The following CSGALNACT1 variants were observed in gnomAD, a reference collection of about 807,000 sequenced individuals.
CSGALNACT1 encodes the protein chondroitin sulfate N-acetylgalactosaminyltransferase 1, also known as beta4GalNAcT-1.
Under a neutral mutation model 51.0 loss-of-function variants are expected in CSGALNACT1, and 52 were observed. That is an observed-to-expected ratio of 1.02 (90% CI 0.82 to 1.29). The LOEUF (loss-of-function observed/expected upper bound fraction) is 1.29. Among genes scored for constraint, CSGALNACT1 ranks in the 50% most tolerant of loss-of-function variants. The pLI, the probability that CSGALNACT1 is intolerant of heterozygous loss-of-function variation, is 0.00. For missense variants in CSGALNACT1, 935 were observed against 679.2 expected (o/e 1.38, Z -4.19); for synonymous variants, 341 against 254.4 (o/e 1.34, Z -3.24).
At chr8:19,437,443 G>A (rs1472754378) in intron 6 of CSGALNACT1, among the ~76,000 whole-genome samples, 1 of 152,054 alleles carries the variant, frequency 6.6e-6, no homozygotes, top group Non-Finnish European at 1.5e-5. Context: ...GTAGAGTGTG[G>A]TATGGTACTG....
At chr8:19,722,847 C>T (rs541643394) in intron 1 of CSGALNACT1, among the ~76,000 whole-genome samples, 2 of 152,320 alleles carry the variant, frequency 1.3e-5, no homozygotes, top group East Asian at 3.9e-4. Flanking sequence ...GCAAGATCTG[C>T]AACAGGTAAA....
intron 3 of CSGALNACT1, among the ~76,000 whole-genome samples, chr8:19,530,061 A>C (rs1236278776): frequency 6.6e-6 from 1 of 152,014 alleles, no homozygotes; most frequent in African/African-American, 2.4e-5. Context: ...CTCTACTAAA[A>C]ATACAAAATA....
intron 1 of CSGALNACT1, among the ~76,000 whole-genome samples, chr8:19,717,081 G>C (rs1009530827): frequency 6.6e-6 from 1 of 152,220 alleles, no homozygotes; most frequent in Non-Finnish European, 1.5e-5. Context: ...AACTAAATGA[G>C]ATAATGCATG....
intron 3 of CSGALNACT1, among the ~76,000 whole-genome samples, chr8:19,541,307 C>T (rs983237347): frequency 2.1e-5 from 3 of 143,530 alleles, no homozygotes; most frequent in African/African-American, 7.9e-5. Flanking sequence ...CTGGAGTGCA[C>T]TGGCGTGATC....
chr8:19,418,995 C>T (rs543817457), intron 7 of CSGALNACT1, among the ~76,000 whole-genome samples: 239 of 152,080 alleles, frequency 1.6e-3, no homozygotes, highest in Non-Finnish European at 2.6e-3. Flanking sequence ...TACAGGTGCC[C>T]GCCACCACAC....
At chr8:19,718,420 C>T (rs1168601304) in intron 1 of CSGALNACT1, among the ~76,000 whole-genome samples, 1 of 152,100 alleles carries the variant, frequency 6.6e-6, no homozygotes, top group Non-Finnish European at 1.5e-5. Flanking sequence ...TCTATTTCTC[C>T]TCCATTTTCC....
At chr8:19,443,450 T>C (rs1021655852) in intron 5 of CSGALNACT1, among the ~76,000 whole-genome samples, 13 of 152,120 alleles carry the variant, frequency 8.5e-5, no homozygotes, top group African/African-American at 3.1e-4. Flanking sequence ...GGGTCATTTA[T>C]AAAGGAAAGA....
intron 6 of CSGALNACT1, among the ~76,000 whole-genome samples, chr8:19,421,277 T>C (rs1585598954): frequency 2.0e-5 from 3 of 152,318 alleles, no homozygotes; most frequent in Admixed American, 2.0e-4. Flanking sequence ...ATTGCTGTGA[T>C]TAGCATGGGC....
chr8:19,459,797 G>A (rs964141057), intron 4 of CSGALNACT1, among the ~76,000 whole-genome samples: 25 of 152,138 alleles, frequency 1.6e-4, no homozygotes, highest in Admixed American at 7.9e-4. Flanking sequence ...ATAAACCCTC[G>A]ATAAATGTTA....
chr8:19,714,365 G>A (rs1003240509), intron 1 of CSGALNACT1, among the ~76,000 whole-genome samples: 52 of 151,698 alleles, frequency 3.4e-4, no homozygotes, highest in African/African-American at 1.2e-3. Flanking sequence ...ATCCTGCCTG[G>A]TAACCCCCTG....
chr8:19,562,074 G>C (rs1588372783), intron 3 of CSGALNACT1, among the ~76,000 whole-genome samples: 1 of 152,100 alleles, frequency 6.6e-6, no homozygotes, highest in African/African-American at 2.4e-5. Flanking sequence ...GACAAGTATG[G>C]GTCCTGGGGG....
chr8:19,704,701 G>C (rs901694776), intron 1 of CSGALNACT1, among the ~76,000 whole-genome samples: 30 of 152,094 alleles, frequency 2.0e-4, no homozygotes, highest in African/African-American at 6.8e-4. Context: ...TGGATGGGTG[G>C]ATAAATGGAT....
intron 3 of CSGALNACT1, chr8:19,588,005 A>G (rs1053068959): frequency 2.0e-5 from 3 of 152,312 alleles, no homozygotes; most frequent in African/African-American, 7.2e-5. Context: ...AGCCTGGTCA[A>G]CGTTGCAAAA....
At chr8:19,693,597 C>T (rs2061439835) in intron 1 of CSGALNACT1, among the ~76,000 whole-genome samples, 1 of 152,170 alleles carries the variant, frequency 6.6e-6, no homozygotes, top group Non-Finnish European at 1.5e-5. Context: ...ACTCAGCTCC[C>T]TATCCAAGAT....
At chr8:19,408,987 CA>C (rs2055007740) in intron 8 of CSGALNACT1, among the ~76,000 whole-genome samples, 1 of 150,768 alleles carries the variant, frequency 6.6e-6, no homozygotes, top group Admixed American at 6.6e-5. Flanking sequence ...CAATCAAAAA[CA>C]AAAACCGGGA....
chr8:19,541,897 T>C (rs2085270832), intron 3 of CSGALNACT1, among the ~76,000 whole-genome samples: 1 of 152,178 alleles, frequency 6.6e-6, no homozygotes, highest in Non-Finnish European at 1.5e-5. Flanking sequence ...TGTAGGATCA[T>C]GTCAAATATT....
In CSGALNACT1 at chr8:19,407,929, G is replaced by C. The variant is rs1225479759; in HGVS notation, c.1309+684C>G. On this transcript the variant is annotated intron_variant, in intron 9 of 9. Transcript: ENST00000454498. ...ATTGTGTGTGTGTGTGTGTGTGTGT[G>C]TGTGTGTGTGTGTGTGTGTGTATTG... Among the ~76,000 whole-genome samples the C allele has an allele frequency of 2.7e-3, 382 of 143,060 alleles. 5 individuals are homozygous for C. The highest frequency in any genetic ancestry group is 8.4e-3 in the African/African-American group (342 of 40,608). 93.9% of individuals were successfully genotyped at this position (143,060 alleles called of 152,430 possible).
intron 1 of CSGALNACT1, among the ~76,000 whole-genome samples, chr8:19,687,870 G>T (rs56373220): frequency 0.13 from 19,858 of 152,272 alleles, 1,573 homozygotes; most frequent in East Asian, 0.35. Context: ...AAATGGAAAA[G>T]TGACTGAAGC....
intron 1 of CSGALNACT1, among the ~76,000 whole-genome samples, chr8:19,713,244 G>A (rs571161784): frequency 3.7e-4 from 56 of 152,264 alleles, no homozygotes; most frequent in African/African-American, 1.2e-3. Flanking sequence ...CAGGAATAGC[G>A]AACCACATAA....
Sources: allele counts gnomAD v4.1 joint callset (sites outside exome capture counted in the v4.1 genomes callset), GRCh38; gene constraint gnomAD v4.1.1; transcripts MANE v1.5; gene names NCBI Gene and HGNC (gene_info 2026-07-23, HGNC 2026-07-21).